Variants in PRICKLE2 observed in about 807,000 individuals in gnomAD.
PRICKLE2 encodes the protein prickle-like protein 2.
In PRICKLE2, 21 loss-of-function variants were observed where a neutral mutation model predicts 81.4. The observed-to-expected ratio is 0.26, with a 90% CI of 0.18 to 0.37. The LOEUF is 0.37. Among genes scored for constraint, PRICKLE2 ranks in the 10% least tolerant of loss-of-function variants. The probability of loss-of-function intolerance (pLI) is 1.00; values close to 1 mark genes in which losing one functional copy is unlikely to be tolerated. For missense variants in PRICKLE2, 940 were observed against 1,109.0 expected (o/e 0.85, Z 2.16); for synonymous variants, 456 against 421.5 (o/e 1.08, Z -1.00).
chr3:64,150,474 CT>C (rs1363196073), intron 6 of PRICKLE2, among the ~76,000 whole-genome samples: 1 of 152,130 alleles, frequency 6.6e-6, no homozygotes, highest in Non-Finnish European at 1.5e-5. Flanking sequence ...CTGAGGGTCA[CT>C]GCCCAGATGC....
chr3:64,121,363 A>G (rs144493789), intron 7 of PRICKLE2, among the ~76,000 whole-genome samples: 91 of 152,284 alleles, frequency 6.0e-4, no homozygotes, highest in African/African-American at 2.0e-3. Flanking sequence ...ATTGTTTTCC[A>G]TACTTTGGAA....
At chr3:64,222,520 A>T (rs777097719) in intron 1 of PRICKLE2, among the ~76,000 whole-genome samples, 1 of 152,198 alleles carries the variant, frequency 6.6e-6, no homozygotes, top group African/African-American at 2.4e-5. Context: ...CACCGGCATG[A>T]AGGAGGCAGA....
Position 64,099,333 on chromosome 3 carries a change from A to G in PRICKLE2, c.2253T>C (p.Thr751=). 1 of 1,614,214 alleles carries G rather than the reference A, an allele frequency of 6.2e-7. No homozygotes were observed. Among genetic ancestry groups the G allele is most frequent in the Admixed American group, 1.7e-5 (1 of 60,028 alleles). Residue 751 remains threonine, a synonymous_variant, in exon 8 of 8, where the codon ACT becomes ACC. Transcript: ENST00000638394. The surrounding 1 kb of genome is among the most constrained non-coding windows in gnomAD (Gnocchi z 4.3). ...RRDLYGQCPR[T]VSDLALQNAF... ...CATTCTGCAAAGCCAGGTCCGACAC[A>G]GTCCTAGGGCACTGGCCGTACAGGT...
intron 7 of PRICKLE2, among the ~76,000 whole-genome samples, chr3:64,139,710 G>A (rs190886583): frequency 9.8e-4 from 149 of 152,234 alleles, no homozygotes; most frequent in African/African-American, 3.4e-3. Context: ...AAATGGCTCT[G>A]CACCATCTGG....
Position 64,097,601 on chromosome 3 carries a change from G to A in PRICKLE2, c.*1450C>T, listed in dbSNP as rs191085759. On this transcript the variant is annotated 3_prime_UTR_variant, in exon 8 of 8. Transcript: ENST00000638394. ...GTCTTCATTAAGCAAACTCACTTTT[G>A]AGCCCATTTTCTGACCAACAGTCCT... 4.5e-4 allele frequency: 68 copies of A among 152,634 alleles called. No individual in the cohort carries two copies. The highest frequency in any genetic ancestry group is 1.6e-3 in the African/African-American group (67 of 41,530). The allele number at this position is 152,634 out of a possible 1,614,324, so 9.5% of individuals were successfully genotyped here.
chr3:64,153,893 A>AC, intron 5 of PRICKLE2: 1 of 158,310 alleles, frequency 6.3e-6, no homozygotes, highest in African/African-American at 2.4e-5. Flanking sequence ...CATATTCTTC[A>AC]CCCTTCCCTA....
chr3:64,165,491 T>A (rs1017341425), intron 2 of PRICKLE2, among the ~76,000 whole-genome samples: 1 of 152,162 alleles, frequency 6.6e-6, no homozygotes, highest in African/African-American at 2.4e-5. Context: ...AGTTATACTA[T>A]CAAGCCTGGC....
At chr3:64,168,681 C>T (rs1216303211) in intron 2 of PRICKLE2, among the ~76,000 whole-genome samples, 5 of 152,176 alleles carry the variant, frequency 3.3e-5, no homozygotes, top group African/African-American at 1.2e-4. Flanking sequence ...CTTCCCCATC[C>T]TCTCCTTCTG....
intron 5 of PRICKLE2, chr3:64,153,643 A>G: frequency 2.4e-6 from 1 of 414,942 alleles, no homozygotes; most frequent in South Asian, 2.6e-5. Context: ...CCTGGAGAAT[A>G]TAAGGCAGGA....
intron 2 of PRICKLE2, among the ~76,000 whole-genome samples, chr3:64,192,663 T>G (rs2107102914): frequency 6.6e-6 from 1 of 152,304 alleles, no homozygotes; most frequent in East Asian, 1.9e-4. Flanking sequence ...ATGTTCTATT[T>G]TACCACTTAT....
intron 2 of PRICKLE2, among the ~76,000 whole-genome samples, chr3:64,165,993 T>G (rs1559551999): frequency 6.6e-6 from 1 of 151,282 alleles, no homozygotes; most frequent in Non-Finnish European, 1.5e-5. Flanking sequence ...TGTGTGTGTG[T>G]GTGTGTGTGT....
chr3:64,132,292 ACCCTACTCTGCC>A (rs2077208087), intron 7 of PRICKLE2, among the ~76,000 whole-genome samples: 1 of 151,790 alleles, frequency 6.6e-6, no homozygotes, highest in Admixed American at 6.6e-5. Context: ...GCCATTCTCC[ACCCTACTCTGCC>A]CTGAATGGCT....
At chr3:64,216,082 G>C (rs1203860782) in intron 1 of PRICKLE2, among the ~76,000 whole-genome samples, 1 of 152,208 alleles carries the variant, frequency 6.6e-6, no homozygotes, top group Non-Finnish European at 1.5e-5. Flanking sequence ...TTTAACATTA[G>C]CTCCTGGGTA....
chr3:64,187,150 C>T (rs1006838035), intron 2 of PRICKLE2, among the ~76,000 whole-genome samples: 1 of 152,222 alleles, frequency 6.6e-6, no homozygotes, highest in Non-Finnish European at 1.5e-5. Context: ...TTGCTGCTGA[C>T]TTCATCTGGC....
intron 2 of PRICKLE2, among the ~76,000 whole-genome samples, chr3:64,233,053 G>T (rs541227885): frequency 6.6e-6 from 1 of 152,252 alleles, no homozygotes; most frequent in Admixed American, 6.5e-5. Context: ...AACAGAGAAC[G>T]TACAGCCTGC....
At chr3:64,208,588 C>T (rs1205382790) in intron 1 of PRICKLE2, among the ~76,000 whole-genome samples, 1 of 152,220 alleles carries the variant, frequency 6.6e-6, no homozygotes, top group Non-Finnish European at 1.5e-5. Flanking sequence ...TCTAGCTCAA[C>T]CTGTGCTTTG....
At chr3:64,209,168 T>C (rs1234447168) in intron 1 of PRICKLE2, among the ~76,000 whole-genome samples, 1 of 152,060 alleles carries the variant, frequency 6.6e-6, no homozygotes, top group Non-Finnish European at 1.5e-5. Context: ...CACCCATCTA[T>C]CGATCCATTC....
chr3:64,230,298 A>C (rs769799784), upstream of PRICKLE2, among the ~76,000 whole-genome samples: 1 of 152,238 alleles, frequency 6.6e-6, no homozygotes, highest in African/African-American at 2.4e-5. Flanking sequence ...AACAAAATAC[A>C]ATCTATTAAA....
In PRICKLE2 at chr3:64,146,741, TC is replaced by T. The variant is rs1347879019; in HGVS notation, c.1660+88del. 9 of 1,375,650 alleles carry T rather than the reference TC, an allele frequency of 6.5e-6. No homozygotes were observed. In the African/African-American group the frequency reaches 7.2e-5, roughly 11 times the overall value. The allele number at this position is 1,375,650 out of a possible 1,614,324, so 85.2% of individuals were successfully genotyped here. ...CTGGGGGACAGAGCGAGACTCCATT[TC>T]AAAAAAAAAAAAAATTCCTGGGGAC... On this transcript the variant is annotated intron_variant, in intron 7 of 7. Coordinates refer to ENST00000638394, the MANE Select transcript of PRICKLE2 (RefSeq NM_198859.4).
Sources: allele counts gnomAD v4.1 joint callset (sites outside exome capture counted in the v4.1 genomes callset), GRCh38; gene constraint gnomAD v4.1.1; non-coding constraint Gnocchi (gnomAD v3.1); transcripts MANE v1.5; gene names NCBI Gene and HGNC (gene_info 2026-07-23, HGNC 2026-07-21).